DAB1: variants seen among roughly 807,000 people sequenced by gnomAD.
DAB1 encodes disabled homolog 1.
Under a neutral mutation model 64.6 loss-of-function variants are expected in DAB1, and 15 were observed. That is an observed-to-expected ratio of 0.23 (90% CI 0.16 to 0.36). DAB1 has a LOEUF of 0.36. DAB1 is among the 10% of genes least tolerant of loss of function. DAB1 has a pLI of 1.00. For missense variants in DAB1, 596 were observed against 706.7 expected, an observed-to-expected ratio of 0.84 and a Z score of 1.78; for synonymous variants, 235 against 251.9, an observed-to-expected ratio of 0.93 and a Z score of 0.64.
chr1:58,524,717 T>C (rs1209356152), intron 2 of DAB1, among the ~76,000 whole-genome samples: 1 of 152,208 alleles, frequency 6.6e-6, no homozygotes, highest in Non-Finnish European at 1.5e-5. Flanking sequence ...ACTCAACTTT[T>C]TCTTGTAATA....
chr1:57,248,145 C>T (rs1669029924), intron 2 of DAB1, among the ~76,000 whole-genome samples: 1 of 152,134 alleles, frequency 6.6e-6, no homozygotes, highest in Non-Finnish European at 1.5e-5. Context: ...TTTAAATCAT[C>T]TCTAGATCAC....
intron 2 of DAB1, among the ~76,000 whole-genome samples, chr1:57,204,547 CAAGG>C (rs1461809043): frequency 6.6e-6 from 1 of 151,012 alleles, no homozygotes; most frequent in African/African-American, 2.4e-5. Context: ...TCTAAAATAT[CAAGG>C]AAGACTTAGA....
chr1:57,802,691 A>T (rs1651186943), intron 6 of DAB1, among the ~76,000 whole-genome samples: 1 of 151,776 alleles, frequency 6.6e-6, no homozygotes, highest in Non-Finnish European at 1.5e-5. Flanking sequence ...ACTGTGTAGC[A>T]CCTTCTCTCT....
intron 6 of DAB1, among the ~76,000 whole-genome samples, chr1:57,759,416 A>G (rs1241569924): frequency 6.6e-6 from 1 of 152,206 alleles, no homozygotes; most frequent in African/African-American, 2.4e-5. Context: ...AATTATGTGC[A>G]TATTATCATA....
chr1:57,328,704 CTG>C (rs1411877382), intron 1 of DAB1, among the ~76,000 whole-genome samples: 10 of 152,174 alleles, frequency 6.6e-5, no homozygotes, highest in Admixed American at 3.3e-4. Flanking sequence ...TTTTGACTAA[CTG>C]TCCTTTCTCT....
intron 4 of DAB1, among the ~76,000 whole-genome samples, chr1:58,176,000 G>C (rs1656453664): frequency 6.6e-6 from 1 of 152,178 alleles, no homozygotes; most frequent in African/African-American, 2.4e-5. Flanking sequence ...ATAGCACTGG[G>C]CTCACACTCC....
At chr1:57,897,865 T>C (rs1297616137) in intron 5 of DAB1, among the ~76,000 whole-genome samples, 1 of 152,160 alleles carries the variant, frequency 6.6e-6, no homozygotes, top group Non-Finnish European at 1.5e-5. Flanking sequence ...AAAACCGGGA[T>C]TTAAACTGAG....
At chr1:57,852,185 A>G (rs769134109) in intron 1 of DAB1, among the ~76,000 whole-genome samples, 5 of 152,122 alleles carry the variant, frequency 3.3e-5, no homozygotes, top group Non-Finnish European at 7.3e-5. Flanking sequence ...TCCCCTGAAG[A>G]TCCTCATGTG....
At chr1:57,796,263 C>G (rs932434207) in intron 6 of DAB1, among the ~76,000 whole-genome samples, 1 of 152,066 alleles carries the variant, frequency 6.6e-6, no homozygotes, top group Non-Finnish European at 1.5e-5. Context: ...CGCGGTGGCT[C>G]ACGCCTGTAA....
chr1:57,916,545 T>C (rs1371400043), intron 5 of DAB1, among the ~76,000 whole-genome samples: 1 of 152,232 alleles, frequency 6.6e-6, no homozygotes, highest in Non-Finnish European at 1.5e-5. Flanking sequence ...GCACTATTCT[T>C]AGAGCTTTAT....
intron 5 of DAB1, among the ~76,000 whole-genome samples, chr1:57,968,450 G>A (rs1445975314): frequency 6.6e-6 from 1 of 152,114 alleles, no homozygotes; most frequent in African/African-American, 2.4e-5. Flanking sequence ...AAAAGATTCT[G>A]CAAGTTGTTC....
At position 57,035,179 on chromosome 1, in the gene DAB1, G is replaced by A. The variant is rs575932910; in HGVS notation, c.724-9136C>T. ...GTGTGGCCTAAGAGGTTAAGGTTAT[G>A]TCGCTACATCCTTTATAAATTCACA... is the stretch of plus-strand genomic sequence containing the variant. On this transcript the variant is annotated intron_variant, in intron 9 of 14. Transcript: ENST00000371236. Among the ~76,000 whole-genome samples, 5 of 152,296 alleles carry A rather than the reference G, an allele frequency of 3.3e-5. No homozygotes were observed. The South Asian group carries it at 1.0e-3, about 32-fold the overall frequency.
At chr1:57,303,418 T>C (rs1673842857) in intron 1 of DAB1, among the ~76,000 whole-genome samples, 1 of 152,212 alleles carries the variant, frequency 6.6e-6, no homozygotes, top group Non-Finnish European at 1.5e-5. Context: ...AAGGACAATC[T>C]GCTGCCTGAC....
chr1:57,960,109 G>C (rs530442552), intron 5 of DAB1, among the ~76,000 whole-genome samples: 133 of 152,168 alleles, frequency 8.7e-4, no homozygotes, highest in Non-Finnish European at 1.7e-3. Context: ...GCTATGGTGA[G>C]GAGTGTGGGA....
intron 6 of DAB1, among the ~76,000 whole-genome samples, chr1:57,652,173 A>T (rs1298877156): frequency 6.6e-6 from 1 of 152,176 alleles, no homozygotes; most frequent in African/African-American, 2.4e-5. Flanking sequence ...AGATAACATC[A>T]CTATTGCAGA....
intron 1 of DAB1, among the ~76,000 whole-genome samples, chr1:57,387,896 A>G (rs1682019065): frequency 6.6e-6 from 1 of 151,866 alleles, no homozygotes; most frequent in Non-Finnish European, 1.5e-5. Flanking sequence ...CTTCCACCAG[A>G]AAGTCAAGAA....
intron 7 of DAB1, among the ~76,000 whole-genome samples, chr1:57,627,281 C>T (rs1453617959): frequency 6.6e-6 from 1 of 152,208 alleles, no homozygotes. Context: ...CTTATACTCA[C>T]TGGCTTTTCT....
chr1:57,349,167 T>C (rs1056330911), intron 1 of DAB1, among the ~76,000 whole-genome samples: 3 of 152,224 alleles, frequency 2.0e-5, no homozygotes, highest in African/African-American at 7.2e-5. Context: ...TAACTCGTCC[T>C]GTGACCCTGA....
intron 3 of DAB1, among the ~76,000 whole-genome samples, chr1:58,393,955 T>C (rs1391171166): frequency 2.6e-5 from 4 of 152,216 alleles, no homozygotes; most frequent in African/African-American, 7.2e-5. Flanking sequence ...TGTAAACGTA[T>C]TTCAAAACAT....
Sources: gnomAD v4.1 joint callset for allele counts (sites outside exome capture counted in the v4.1 genomes callset) on GRCh38, gnomAD v4.1.1 for gene constraint, MANE v1.5 for transcripts, NCBI Gene and HGNC (gene_info 2026-07-23, HGNC 2026-07-21) for gene names.